NKAIN2: variants seen among roughly 807,000 people sequenced by gnomAD.
The protein encoded by NKAIN2 is sodium/potassium transporting ATPase interacting 2, also known as sodium/potassium-transporting ATPase subunit beta-1-interacting protein 2.
Under a neutral mutation model 32.6 loss-of-function variants are expected in NKAIN2, and 14 were observed. The ratio of observed to expected loss-of-function variants is 0.43; its 90% confidence interval spans 0.28 to 0.67. The LOEUF (loss-of-function observed/expected upper bound fraction) is 0.67. Ranked by LOEUF, NKAIN2 falls within the 30% of genes least tolerant of loss-of-function variation. The pLI, the probability that NKAIN2 is intolerant of heterozygous loss-of-function variation, is 0.17. For missense variants in NKAIN2, 198 were observed against 258.3 expected, an observed-to-expected ratio of 0.77 and a Z score of 1.60; for synonymous variants, 80 against 87.2, an observed-to-expected ratio of 0.92 and a Z score of 0.46.
chr6:124,683,145 G>A (rs1773701133), intron 4 of NKAIN2, among the ~76,000 whole-genome samples: 1 of 152,120 alleles, frequency 6.6e-6, no homozygotes, highest in Admixed American at 6.6e-5. Context: ...TATCACCGGT[G>A]CCATTAACTG....
chr6:124,554,659 AGT>A (rs1462627883), intron 3 of NKAIN2, among the ~76,000 whole-genome samples: 1 of 152,244 alleles, frequency 6.6e-6, no homozygotes, highest in East Asian at 1.9e-4. Context: ...CACAATGGGA[AGT>A]TAATTTAAAA....
intron 3 of NKAIN2, among the ~76,000 whole-genome samples, chr6:124,374,222 A>T (rs545716147): frequency 3.0e-4 from 45 of 152,214 alleles, no homozygotes; most frequent in Non-Finnish European, 2.8e-4. Context: ...TAAGGCAGTT[A>T]GGAAACTCTT....
At chr6:123,864,435 A>G (rs1477047045) in intron 1 of NKAIN2, among the ~76,000 whole-genome samples, 3 of 152,216 alleles carry the variant, frequency 2.0e-5, no homozygotes, top group Non-Finnish European at 4.4e-5. Context: ...TGAGCTGAAG[A>G]TACAGAAGTG....
chr6:124,482,920 G>A (rs113076293), intron 3 of NKAIN2, among the ~76,000 whole-genome samples: 1,850 of 152,252 alleles, frequency 0.012, 19 homozygotes, highest in Non-Finnish European at 0.019. Context: ...GGATCACGAG[G>A]TCAGGAGATT....
Position 123,804,132 on chromosome 6 carries a change from T to G in NKAIN2, c.-69T>G. 2 of 1,410,906 alleles carry G rather than the reference T, an allele frequency of 1.4e-6. No individual in the cohort carries two copies. The highest frequency in any genetic ancestry group is 2.0e-6 in the Non-Finnish European group (2 of 995,402). 87.4% of individuals were successfully genotyped at this position (1,410,906 alleles called of 1,614,324 possible). On this transcript the variant is annotated 5_prime_UTR_variant, in exon 1 of 7. Transcript: ENST00000368417. The stretch of plus-strand genomic sequence containing the variant: ...TTGCGTGTCCTTCCCCGCGATCTGA[T>G]TGGATAAAGTGGGGGCTCGACGGTG...
chr6:124,490,253 G>A (rs1379263945), intron 3 of NKAIN2: 3 of 342,402 alleles, frequency 8.8e-6, no homozygotes, highest in African/African-American at 2.2e-5. Context: ...CCAATTCCCT[G>A]TAGGGTATGT....
chr6:124,450,378 T>C (rs1000303923), intron 3 of NKAIN2, among the ~76,000 whole-genome samples: 1 of 152,042 alleles, frequency 6.6e-6, no homozygotes, highest in Non-Finnish European at 1.5e-5. Context: ...TCTTAAAGTT[T>C]TGCTTATTTT....
At chr6:124,265,453 C>A (rs1408953850) in intron 1 of NKAIN2, among the ~76,000 whole-genome samples, 5 of 151,914 alleles carry the variant, frequency 3.3e-5, no homozygotes, top group African/African-American at 9.7e-5. Context: ...GTAAAATATA[C>A]CAATTTTAAA....
intron 1 of NKAIN2, among the ~76,000 whole-genome samples, chr6:123,826,201 C>T (rs1426843203): frequency 2.0e-5 from 3 of 152,054 alleles, no homozygotes; most frequent in African/African-American, 7.2e-5. Flanking sequence ...AGAGATTTGT[C>T]AGATTTTTGC....
At chr6:123,826,838 T>TAA (rs1562203469) in intron 1 of NKAIN2, among the ~76,000 whole-genome samples, 1 of 152,148 alleles carries the variant, frequency 6.6e-6, no homozygotes, top group Non-Finnish European at 1.5e-5. Context: ...TTCCTGCTTT[T>TAA]AGTTCTTTTG....
At position 124,602,644 on chromosome 6, in the gene NKAIN2, T is replaced by G. The variant is rs114960624; in HGVS notation, c.274-55542T>G. On this transcript the variant is annotated intron_variant, in intron 3 of 6. Transcript: ENST00000368417. ...GCAACTATGAACGTGAATACTTGGTTTTATTTTACTTTTTTCTTTTGTTCT... is the reference window on the plus strand; with the variant it reads ...GCAACTATGAACGTGAATACTTGGTGTTATTTTACTTTTTTCTTTTGTTCT... Among the ~76,000 whole-genome samples the G allele has an allele frequency of 4.1e-3, 626 of 151,990 alleles. 6 individuals carry two copies. The highest frequency in any genetic ancestry group is 0.014 in the African/African-American group (593 of 41,498).
At chr6:124,821,277 A>G (rs1252836203) in intron 6 of NKAIN2, among the ~76,000 whole-genome samples, 1 of 151,794 alleles carries the variant, frequency 6.6e-6, no homozygotes, top group Non-Finnish European at 1.5e-5. Context: ...CCTGGTTAAC[A>G]AAGTGAGGCT....
intron 1 of NKAIN2, among the ~76,000 whole-genome samples, chr6:123,881,629 A>G (rs1029742135): frequency 6.6e-5 from 10 of 152,168 alleles, no homozygotes; most frequent in African/African-American, 2.2e-4. Context: ...TTTTGTGTTT[A>G]TGCCCATTTT....
intron 2 of NKAIN2, among the ~76,000 whole-genome samples, chr6:124,318,566 A>C (rs1797052877): frequency 6.6e-6 from 1 of 152,032 alleles, no homozygotes; most frequent in African/African-American, 2.4e-5. Context: ...TAACTTAAAA[A>C]AAATTTTCCC....
intron 3 of NKAIN2, among the ~76,000 whole-genome samples, chr6:124,547,915 A>G (rs562336489): frequency 5.9e-5 from 9 of 152,276 alleles, no homozygotes; most frequent in African/African-American, 2.2e-4. Flanking sequence ...CGTCAATACA[A>G]GCAAATTTGT....
At chr6:123,970,857 G>A (rs556090630) in intron 1 of NKAIN2, among the ~76,000 whole-genome samples, 1 of 152,088 alleles carries the variant, frequency 6.6e-6, no homozygotes, top group African/African-American at 2.4e-5. Context: ...ACTCCAGCCT[G>A]GTCGACGAAG....
intron 1 of NKAIN2, among the ~76,000 whole-genome samples, chr6:124,097,336 G>A (rs890587322): frequency 1.4e-4 from 21 of 151,724 alleles, no homozygotes; most frequent in Admixed American, 1.2e-3. Flanking sequence ...CCTGGGGTTG[G>A]AGGTTGCATT....
chr6:124,741,102 G>A (rs967574870), intron 4 of NKAIN2, among the ~76,000 whole-genome samples: 1 of 151,758 alleles, frequency 6.6e-6, no homozygotes, highest in Non-Finnish European at 1.5e-5. Flanking sequence ...GACAATAGGT[G>A]AATAGTGATT....
intron 1 of NKAIN2, among the ~76,000 whole-genome samples, chr6:123,864,032 ATAC>A: frequency 6.6e-6 from 1 of 152,312 alleles, no homozygotes; most frequent in South Asian, 2.1e-4. Context: ...TTAAAGACAG[ATAC>A]TACTACTTCC....
Sources: gnomAD v4.1 joint callset for allele counts (sites outside exome capture counted in the v4.1 genomes callset) on GRCh38, gnomAD v4.1.1 for gene constraint, MANE v1.5 for transcripts, NCBI Gene and HGNC (gene_info 2026-07-23, HGNC 2026-07-21) for gene names.